Variants in FHIT observed in about 807,000 individuals in gnomAD.
The protein encoded by FHIT is bis(5'-adenosyl)-triphosphatase.
In FHIT, 19 loss-of-function variants were observed where a neutral mutation model predicts 17.9. The observed-to-expected ratio is 1.06, with a 90% CI of 0.74 to 1.56. FHIT has a LOEUF of 1.56. FHIT is among the 40% of genes most tolerant of loss of function. FHIT has a pLI of 0.00. For missense variants in FHIT, 248 were observed against 189.2 expected, an observed-to-expected ratio of 1.31 and a Z score of -1.82; for synonymous variants, 81 against 69.7, an observed-to-expected ratio of 1.16 and a Z score of -0.81.
chr3:61,112,853 A>C (rs567274550), intron 2 of FHIT, among the ~76,000 whole-genome samples: 1 of 152,306 alleles, frequency 6.6e-6, no homozygotes, highest in South Asian at 2.1e-4. Context: ...GGCATTAATG[A>C]GACCATGAAT....
chr3:61,097,598 C>T (rs544607354), intron 2 of FHIT, among the ~76,000 whole-genome samples: 6 of 152,046 alleles, frequency 3.9e-5, no homozygotes, highest in Non-Finnish European at 8.8e-5. Flanking sequence ...TTTTTCCACA[C>T]CCTGACCAGC....
chr3:60,356,775 A>AAAAAAAAC (rs1699682560), intron 5 of FHIT, among the ~76,000 whole-genome samples: 2 of 129,944 alleles, frequency 1.5e-5, no homozygotes, highest in Non-Finnish European at 3.2e-5. Context: ...AAAAAAAAAA[A>AAAAAAAAC]AAAAACGGAA....
chr3:60,513,611 G>C (rs941700278), intron 5 of FHIT, among the ~76,000 whole-genome samples: 1 of 152,068 alleles, frequency 6.6e-6, no homozygotes, highest in Non-Finnish European at 1.5e-5. Context: ...ACACACACAG[G>C]AACAGAAAAC....
intron 5 of FHIT, among the ~76,000 whole-genome samples, chr3:60,478,718 C>T (rs756406276): frequency 5.3e-5 from 8 of 152,142 alleles, no homozygotes; most frequent in Non-Finnish European, 1.2e-4. Flanking sequence ...GCTTCACTTA[C>T]CTTGTAAAAC....
chr3:61,190,501 A>C (rs1576181184), intron 2 of FHIT, among the ~76,000 whole-genome samples: 1 of 152,344 alleles, frequency 6.6e-6, no homozygotes, highest in East Asian at 1.9e-4. Context: ...AACTAGTTCA[A>C]CCATTGTGGA....
At chr3:60,217,508 T>A (rs975009859) in intron 5 of FHIT, among the ~76,000 whole-genome samples, 1 of 152,202 alleles carries the variant, frequency 6.6e-6, no homozygotes, top group Non-Finnish European at 1.5e-5. Flanking sequence ...CAGCCAGTGA[T>A]ATTTTATTGA....
At chr3:60,484,166 G>C (rs532617411) in intron 5 of FHIT, among the ~76,000 whole-genome samples, 3 of 152,000 alleles carry the variant, frequency 2.0e-5, no homozygotes, top group East Asian at 3.9e-4. Flanking sequence ...CACTGCTCAA[G>C]GAAATAAGAG....
At chr3:60,945,554 C>T (rs11130801) in intron 3 of FHIT, among the ~76,000 whole-genome samples, 38,513 of 151,888 alleles carry the variant, frequency 0.25, 6,019 homozygotes, top group East Asian at 0.6. Context: ...CACCATGCCC[C>T]GCTTATTTTT....
intron 3 of FHIT, among the ~76,000 whole-genome samples, chr3:60,940,949 G>A (rs1192561711): frequency 1.3e-5 from 2 of 152,078 alleles, no homozygotes; most frequent in Non-Finnish European, 2.9e-5. Context: ...AATATCATAG[G>A]AGCCACATGT....
At chr3:59,806,349 G>T (rs1332837794) in intron 8 of FHIT, among the ~76,000 whole-genome samples, 1 of 152,100 alleles carries the variant, frequency 6.6e-6, no homozygotes. Flanking sequence ...GAGGCACAGG[G>T]AGACAAACAC....
At chr3:59,934,876 A>T (rs1706155218) in intron 7 of FHIT, among the ~76,000 whole-genome samples, 1 of 152,118 alleles carries the variant, frequency 6.6e-6, no homozygotes, top group Non-Finnish European at 1.5e-5. Context: ...CCCATGACAC[A>T]TGGGGATTAT....
chr3:60,392,550 T>C (rs1162345533), intron 5 of FHIT, among the ~76,000 whole-genome samples: 1 of 152,200 alleles, frequency 6.6e-6, no homozygotes. Flanking sequence ...TGGTTCATCT[T>C]GCACCATTCT....
At chr3:60,020,327 G>C (rs571022705) in intron 5 of FHIT, among the ~76,000 whole-genome samples, 1 of 152,292 alleles carries the variant, frequency 6.6e-6, no homozygotes, top group African/African-American at 2.4e-5. Context: ...GAAATGTACT[G>C]ATTCAGATGA....
chr3:60,929,036 T>C (rs1238238740), intron 3 of FHIT, among the ~76,000 whole-genome samples: 4 of 152,124 alleles, frequency 2.6e-5, no homozygotes, highest in Non-Finnish European at 4.4e-5. Flanking sequence ...TTGGCTTCAT[T>C]CCTGGGATGC....
intron 2 of FHIT, among the ~76,000 whole-genome samples, chr3:61,076,960 CAAGT>C (rs1453577119): frequency 6.6e-6 from 1 of 152,120 alleles, no homozygotes; most frequent in African/African-American, 2.4e-5. Flanking sequence ...GTGCATCTGA[CAAGT>C]AAGTCAAGGA....
rs974812983 is a variant in FHIT at position 60,195,591 on chromosome 3, A to G, written c.104-181439T>C. 1.3e-4 allele frequency among the ~76,000 whole-genome samples: 17 copies of G among 132,338 alleles called. No homozygotes were observed. In the East Asian group the frequency reaches 4.9e-3, roughly 38 times the overall value. 86.8% of individuals were successfully genotyped at this position (132,338 alleles called of 152,430 possible). Reference sequence around the variant, plus strand: ...TTTATATAATTATATTTATATTTATATATAATTATATATATGTATATATAA... The same window carrying G: ...TTTATATAATTATATTTATATTTATGTATAATTATATATATGTATATATAA... On this transcript the variant is annotated intron_variant, in intron 5 of 9. Transcript: ENST00000492590.
intron 7 of FHIT, among the ~76,000 whole-genome samples, chr3:59,979,379 A>T (rs1708551398): frequency 6.6e-6 from 1 of 152,154 alleles, no homozygotes; most frequent in African/African-American, 2.4e-5. Context: ...CATATTTTGC[A>T]TGTGTTTCCA....
chr3:60,736,447 G>A (rs2042134733), intron 4 of FHIT, among the ~76,000 whole-genome samples: 1 of 152,146 alleles, frequency 6.6e-6, no homozygotes, highest in Non-Finnish European at 1.5e-5. Flanking sequence ...CACACAATGG[G>A]CATTATTTGG....
rs1700799487 is a variant in FHIT, at chr3:60,027,476, A to G, written c.104-13324T>C. The stretch of plus-strand genomic sequence containing the variant: ...ATAATCTCTCATTACCAACATCACC[A>G]TTGTCACTGTCTTTACCATCATCAC... On this transcript the variant is annotated intron_variant, in intron 5 of 9. Coordinates refer to ENST00000492590, the MANE Select transcript of FHIT (RefSeq NM_002012.4). Among the ~76,000 whole-genome samples, 7 of 152,228 alleles carry G rather than the reference A, an allele frequency of 4.6e-5. 1 individual carries two copies. The South Asian group carries it at 1.5e-3, about 32-fold the overall frequency.
Sources: allele counts gnomAD v4.1 joint callset (sites outside exome capture counted in the v4.1 genomes callset), GRCh38; gene constraint gnomAD v4.1.1; transcripts MANE v1.5; gene names NCBI Gene and HGNC (gene_info 2026-07-23, HGNC 2026-07-21).